The following RNF216 variants were observed in gnomAD, a reference collection of about 807,000 sequenced individuals.
The protein encoded by RNF216 is ring finger protein 216, also known as E3 ubiquitin-protein ligase RNF216.
RNF216 carries 72 observed loss-of-function variants against 110.8 expected under a neutral mutation model. The ratio of observed to expected loss-of-function variants is 0.65; its 90% CI spans 0.54 to 0.79. The LOEUF is 0.79. RNF216 is among the 30% of genes least tolerant of loss of function. The pLI is 0.00. For missense variants in RNF216, 1,342 were observed against 1,141.2 expected, an observed-to-expected ratio of 1.18 and a Z score of -2.54; for synonymous variants, 495 against 407.5, an observed-to-expected ratio of 1.21 and a Z score of -2.59.
At chr7:5,694,563 A>G (rs550238420) in intron 13 of RNF216, among the ~76,000 whole-genome samples, 1 of 152,370 alleles carries the variant, frequency 6.6e-6, no homozygotes, top group African/African-American at 2.4e-5. Flanking sequence ...AATTAAGGTA[A>G]GTTTAAACGA....
At chr7:5,737,321 C>T (rs1401382438) in intron 5 of RNF216, among the ~76,000 whole-genome samples, 5 of 152,090 alleles carry the variant, frequency 3.3e-5, no homozygotes, top group Admixed American at 2.0e-4. Context: ...TGCTTGAAGG[C>T]AGCATGCTTG....
chr7:5,729,239 T>G (rs1793940768), intron 7 of RNF216, among the ~76,000 whole-genome samples, 193 bp downstream of exon 7: 1 of 152,234 alleles, frequency 6.6e-6, no homozygotes, highest in Admixed American at 6.5e-5. Flanking sequence ...ACTTCTCTGC[T>G]TCTCATCTAT....
intron 8 of RNF216, among the ~76,000 whole-genome samples, chr7:5,723,413 C>T (rs1233102284): frequency 3.3e-5 from 5 of 152,052 alleles, no homozygotes; most frequent in East Asian, 1.9e-4. Context: ...TTTGGGAGGC[C>T]GAGGCGGGCG....
chr7:5,767,554 G>A (rs1796270024), intron 1 of RNF216, among the ~76,000 whole-genome samples: 1 of 151,578 alleles, frequency 6.6e-6, no homozygotes, highest in African/African-American at 2.4e-5. Flanking sequence ...CAGCAGAGAA[G>A]CTAAAGAGCT....
Position 5,641,290 on chromosome 7 carries a change from G to T in RNF216, c.2246C>A (p.Ser749Tyr). 1 of 1,614,196 alleles carries T rather than the reference G, an allele frequency of 6.2e-7. No homozygotes were observed. Residue 749 changes from serine to tyrosine, a missense_variant, in exon 15 of 17, where the codon TCT (serine) becomes TAT (tyrosine). Transcript: ENST00000389902. The stretch of plus-strand genomic sequence containing the variant: ...GCACATCTGGGCACCACAGCGGCAA[G>T]ACATGCGGTTGCAGCCTTCAGATTT... ...LIKSEGCNRM[S>Y]CRCGAQMCYL...
At chr7:5,636,911 T>A (rs1309091378) in intron 15 of RNF216, among the ~76,000 whole-genome samples, 1 of 151,816 alleles carries the variant, frequency 6.6e-6, no homozygotes, top group African/African-American at 2.4e-5. Flanking sequence ...ACACCATCAA[T>A]CCCAGGCATG....
chr7:5,642,152 T>G (rs576987144), intron 14 of RNF216, among the ~76,000 whole-genome samples: 1 of 151,858 alleles, frequency 6.6e-6, no homozygotes, highest in South Asian at 2.1e-4. Flanking sequence ...CATCCGTTTA[T>G]GATTTTAGTT....
intron 13 of RNF216, among the ~76,000 whole-genome samples, chr7:5,694,654 T>C (rs1021882761): frequency 6.6e-6 from 1 of 152,234 alleles, no homozygotes; most frequent in African/African-American, 2.4e-5. Context: ...GTGGCGCAAT[T>C]TGAGGACCTG....
intron 13 of RNF216, among the ~76,000 whole-genome samples, chr7:5,708,537 C>T (rs188661829): frequency 2.6e-5 from 4 of 152,314 alleles, no homozygotes; most frequent in African/African-American, 9.6e-5. Context: ...CTCTTTTTCA[C>T]TTTCAGTACA....
chr7:5,641,090 T>A (rs1231389204), intron 15 of RNF216, 64 bp downstream of exon 15: 2 of 1,296,736 alleles, frequency 1.5e-6, no homozygotes, highest in Non-Finnish European at 2.2e-6. Context: ...TTCAAAATAT[T>A]TGTCATAAAA....
chr7:5,709,954 A>G (rs1792560942), intron 13 of RNF216, among the ~76,000 whole-genome samples: 1 of 152,086 alleles, frequency 6.6e-6, no homozygotes, highest in Non-Finnish European at 1.5e-5. Context: ...GATAGGGTCT[A>G]TGTTGCTCAG....
intron 3 of RNF216, 60 bp downstream of exon 3, chr7:5,752,786 C>A: frequency 2.5e-6 from 4 of 1,577,348 alleles, no homozygotes; most frequent in Admixed American, 3.6e-5. Flanking sequence ...ACAAGAGTGG[C>A]TGAAAAATCA....
chr7:5,648,864 C>T (rs374638417), intron 14 of RNF216, among the ~76,000 whole-genome samples: 2 of 152,112 alleles, frequency 1.3e-5, no homozygotes, highest in East Asian at 1.9e-4. Context: ...CATTTGGATC[C>T]TAACCTGAAC....
intron 1 of RNF216, among the ~76,000 whole-genome samples, chr7:5,778,795 G>C (rs1796917066): frequency 6.6e-6 from 1 of 152,220 alleles, no homozygotes; most frequent in African/African-American, 2.4e-5. Context: ...CCAGGCTGGA[G>C]TGCAGTGGCA....
chr7:5,715,491 C>A (rs918848946), intron 10 of RNF216, among the ~76,000 whole-genome samples: 1 of 152,062 alleles, frequency 6.6e-6, no homozygotes, highest in Non-Finnish European at 1.5e-5. Flanking sequence ...GGAACTAGAA[C>A]ATCTGTACTC....
chr7:5,633,744 G>C (rs1468973608), intron 15 of RNF216, among the ~76,000 whole-genome samples: 3 of 152,210 alleles, frequency 2.0e-5, no homozygotes, highest in Admixed American at 1.3e-4. Context: ...TGCAGGTAGG[G>C]TGGGTGGGAG....
In RNF216 at chr7:5,715,146, T is replaced by C. The variant is rs367660553; in HGVS notation, c.1740A>G (p.Pro580=). 1.4e-5 allele frequency: 22 copies of C among 1,613,786 alleles called. No individual in the cohort carries two copies. Among genetic ancestry groups the C allele is most frequent in the South Asian group, 1.3e-4 (12 of 91,088 alleles). The change falls in exon 11 of 17, where the codon CCA becomes CCG. Residue 580 remains proline, a synonymous_variant. Transcript: ENST00000389902. ...IECRCCYGEF[P]FEELTQCADA... is the part of the protein sequence containing the mutation. ...CTGCGCACTGCGTCAGCTCCTCGAA[T>C]GGAAATTCCCCATAGCAGCAGCGAC...
intron 13 of RNF216, among the ~76,000 whole-genome samples, chr7:5,700,706 T>C (rs1437345276): frequency 6.6e-6 from 1 of 152,142 alleles, no homozygotes; most frequent in African/African-American, 2.4e-5. Flanking sequence ...CTACAGACAG[T>C]GTGTTTTAGT....
chr7:5,666,165 CAAAAAAA>C (rs575439935), intron 13 of RNF216, among the ~76,000 whole-genome samples: 2,918 of 65,512 alleles, frequency 0.045, 97 homozygotes, highest in African/African-American at 0.13. Context: ...GACTCCGTCT[CAAAAAAA>C]AAAAAAAAAA....
Sources: gnomAD v4.1 joint callset for allele counts (sites outside exome capture counted in the v4.1 genomes callset) on GRCh38, gnomAD v4.1.1 for gene constraint, MANE v1.5 for transcripts, NCBI Gene and HGNC (gene_info 2026-07-23, HGNC 2026-07-21) for gene names.